TRPM3: variants seen among roughly 807,000 people sequenced by gnomAD.
The protein encoded by TRPM3 is transient receptor potential cation channel subfamily M member 3, also known as long transient receptor potential channel 3.
TRPM3 carries 77 observed loss-of-function variants against 181.2 expected under a neutral mutation model. The ratio of observed to expected loss-of-function variants is 0.42; its 90% CI spans 0.35 to 0.51. The LOEUF (loss-of-function observed/expected upper bound fraction) is 0.51, where lower values mean the gene tolerates loss of function less well. TRPM3 is among the 20% of genes least tolerant of loss of function. TRPM3 has a pLI of 0.01. For missense variants in TRPM3, 1,759 were observed against 2,196.7 expected (o/e 0.80, Z 3.98); for synonymous variants, 745 against 796.4 (o/e 0.94, Z 1.09).
At chr9:71,112,943 A>G (rs1028053252) in intron 1 of TRPM3, among the ~76,000 whole-genome samples, 1 of 152,192 alleles carries the variant, frequency 6.6e-6, no homozygotes, top group African/African-American at 2.4e-5. Flanking sequence ...AAGTCATGCA[A>G]AAAACTCAGC....
At chr9:70,991,555 G>GCTTTT (rs71507019) in intron 1 of TRPM3, among the ~76,000 whole-genome samples, 6 of 124,536 alleles carry the variant, frequency 4.8e-5, no homozygotes, top group Non-Finnish European at 9.7e-5. Context: ...CTATGTGTCT[G>GCTTTT]TTTTTTTTTT....
At chr9:71,328,357 G>A (rs1428415465) in intron 1 of TRPM3, among the ~76,000 whole-genome samples, 1 of 151,984 alleles carries the variant, frequency 6.6e-6, no homozygotes, top group Admixed American at 6.5e-5. Flanking sequence ...TAGTAGAGAC[G>A]GGGTTTCACC....
intron 5 of TRPM3, among the ~76,000 whole-genome samples, chr9:70,828,715 T>TTTTTTTG (rs758707614): frequency 0.045 from 6,472 of 143,132 alleles, 159 homozygotes; most frequent in African/African-American, 0.056. Flanking sequence ...TTTTTTTTTT[T>TTTTTTTG]TATAAAAAGA....
intron 5 of TRPM3, among the ~76,000 whole-genome samples, chr9:70,834,765 A>C (rs997840471): frequency 3.9e-5 from 6 of 152,178 alleles, no homozygotes; most frequent in Admixed American, 1.3e-4. Flanking sequence ...TGCAGCCCCA[A>C]CTGCCATCCT....
At chr9:71,108,508 A>G (rs1247486179) in intron 1 of TRPM3, among the ~76,000 whole-genome samples, 1 of 152,224 alleles carries the variant, frequency 6.6e-6, no homozygotes, top group Non-Finnish European at 1.5e-5. Flanking sequence ...GGGTCGACAT[A>G]TCACCAAACC....
chr9:71,324,375 A>C (rs2132486458), intron 1 of TRPM3, among the ~76,000 whole-genome samples: 1 of 152,242 alleles, frequency 6.6e-6, no homozygotes, highest in Middle Eastern at 3.4e-3. Context: ...GATACTCAAC[A>C]CCACTAATCA....
chr9:71,076,405 C>T (rs1467605332), intron 1 of TRPM3, among the ~76,000 whole-genome samples: 1 of 152,160 alleles, frequency 6.6e-6, no homozygotes, highest in African/African-American at 2.4e-5. Context: ...AAAAGCTTTC[C>T]TCTGCTCTTG....
intron 1 of TRPM3, among the ~76,000 whole-genome samples, chr9:70,965,134 T>A (rs907374993): frequency 6.6e-6 from 1 of 152,040 alleles, no homozygotes; most frequent in Admixed American, 6.6e-5. Flanking sequence ...TTATTTTTTT[T>A]AAATTCACAG....
chr9:70,953,240 T>G (rs892791825), intron 1 of TRPM3, among the ~76,000 whole-genome samples: 1 of 152,180 alleles, frequency 6.6e-6, no homozygotes, highest in Non-Finnish European at 1.5e-5. Flanking sequence ...GTGCTTTTGT[T>G]TTTCCACAGT....
At position 70,903,828 on chromosome 9, in the gene TRPM3, G is replaced by A. The variant is rs551108081; in HGVS notation, c.178-39317C>T. ...GTACAATGAATGAGTTTATGTAAAT[G>A]TTCGTTTAACAATCCATTGTGTATC... On this transcript the variant is annotated intron_variant, in intron 1 of 25. Transcript: ENST00000677713. Among the ~76,000 whole-genome samples the A allele has an allele frequency of 5.3e-5, 8 of 152,116 alleles. No homozygotes were observed. In the South Asian group the frequency reaches 1.7e-3, roughly 32 times the overall value.
At chr9:71,036,697 C>A (rs755493122) in intron 1 of TRPM3, among the ~76,000 whole-genome samples, 10 of 152,172 alleles carry the variant, frequency 6.6e-5, no homozygotes, top group Non-Finnish European at 1.5e-4. Context: ...TGAAAGACGG[C>A]CAAGTTTGCA....
At chr9:71,171,405 C>A (rs1005534604) in intron 1 of TRPM3, among the ~76,000 whole-genome samples, 2 of 152,084 alleles carry the variant, frequency 1.3e-5, no homozygotes. Context: ...TGGGGCATCA[C>A]GGAACCTACC....
chr9:71,013,018 C>A (rs1300805295), intron 1 of TRPM3, among the ~76,000 whole-genome samples: 3 of 152,034 alleles, frequency 2.0e-5, no homozygotes, highest in Non-Finnish European at 2.9e-5. Context: ...GACACACATA[C>A]ACAGATATAG....
At chr9:71,070,203 G>T (rs1436159061) in intron 1 of TRPM3, among the ~76,000 whole-genome samples, 1 of 152,176 alleles carries the variant, frequency 6.6e-6, no homozygotes, top group African/African-American at 2.4e-5. Context: ...AAATATCCTT[G>T]ATCAGCAGAA....
intron 1 of TRPM3, among the ~76,000 whole-genome samples, chr9:71,129,177 C>A (rs976754685): frequency 6.6e-6 from 1 of 152,146 alleles, no homozygotes; most frequent in South Asian, 2.1e-4. Flanking sequence ...TTTTTGACAA[C>A]CAGGAGCCTT....
intron 1 of TRPM3, among the ~76,000 whole-genome samples, chr9:71,318,971 C>T (rs1434496570): frequency 9.6e-6 from 1 of 103,818 alleles, no homozygotes. Context: ...CTTTCTGTTA[C>T]TATTGATAAA....
chr9:70,695,933 T>A (rs949732786), intron 8 of TRPM3, among the ~76,000 whole-genome samples: 3 of 152,212 alleles, frequency 2.0e-5, no homozygotes, highest in African/African-American at 7.2e-5. Context: ...ATCTGCATCC[T>A]TTAATGGCCT....
intron 9 of TRPM3, among the ~76,000 whole-genome samples, chr9:70,642,572 A>AT (rs986677505): frequency 1.4e-4 from 21 of 152,194 alleles, no homozygotes; most frequent in African/African-American, 4.1e-4. Context: ...TACCAATTAA[A>AT]TCATGTTGCT....
intron 1 of TRPM3, among the ~76,000 whole-genome samples, chr9:70,986,357 T>C (rs1285859196): frequency 6.6e-6 from 1 of 152,194 alleles, no homozygotes; most frequent in Admixed American, 6.5e-5. Context: ...AGGAACACCT[T>C]GTCTCTAAAA....
Sources: allele counts gnomAD v4.1 joint callset (sites outside exome capture counted in the v4.1 genomes callset), GRCh38; gene constraint gnomAD v4.1.1; transcripts MANE v1.5; gene names NCBI Gene and HGNC (gene_info 2026-07-23, HGNC 2026-07-21).